GRM7: variants seen among roughly 807,000 people sequenced by gnomAD.
GRM7 encodes the protein glutamate metabotropic receptor 7, also known as metabotropic glutamate receptor 7.
GRM7 carries 35 observed loss-of-function variants against 84.5 expected under a neutral mutation model. The observed-to-expected ratio is 0.41, with a 90% CI of 0.32 to 0.55. The LOEUF (loss-of-function observed/expected upper bound fraction) is 0.55. Among genes scored for constraint, GRM7 ranks in the 20% least tolerant of loss-of-function variants. GRM7 has a pLI of 0.19. For synonymous variants in GRM7, 487 were observed against 455.1 expected (o/e 1.07, Z -0.89); for missense variants, 1,003 against 1,194.6 (o/e 0.84, Z 2.36).
In GRM7 at chr3:7,584,411, C is replaced by G. The variant is rs548417464; in HGVS notation, c.2451+5054C>G. Among the ~76,000 whole-genome samples, 4 of 152,142 alleles carry G rather than the reference C, an allele frequency of 2.6e-5. No homozygotes were observed. In the South Asian group the frequency reaches 8.3e-4, roughly 31 times the overall value. On this transcript the variant is annotated intron_variant, in intron 8 of 9. Transcript: ENST00000357716. Reference sequence around the variant, plus strand: ...ATGTGCCTGTTGAATTCTGCATGGTCTTTCCTTTAATGCAATGCCACCACC... The same window carrying G: ...ATGTGCCTGTTGAATTCTGCATGGTGTTTCCTTTAATGCAATGCCACCACC...
At chr3:7,544,899 G>T (rs900086808) in intron 7 of GRM7, among the ~76,000 whole-genome samples, 3 of 152,064 alleles carry the variant, frequency 2.0e-5, no homozygotes, top group Non-Finnish European at 4.4e-5. Flanking sequence ...AAAAATTTTC[G>T]AACCTCTAAA....
chr3:6,889,191 A>T (rs1027311320), intron 1 of GRM7, among the ~76,000 whole-genome samples: 3 of 152,048 alleles, frequency 2.0e-5, no homozygotes, highest in Non-Finnish European at 4.4e-5. Context: ...GGACAATTTG[A>T]CTTCCTCTTT....
intron 2 of GRM7, among the ~76,000 whole-genome samples, chr3:7,187,169 G>A (rs1173953904): frequency 6.6e-6 from 1 of 151,368 alleles, no homozygotes; most frequent in Non-Finnish European, 1.5e-5. Flanking sequence ...ATGCTTTTCT[G>A]AAATATGCCC....
chr3:7,650,266 T>C (rs1305137977), intron 8 of GRM7, among the ~76,000 whole-genome samples: 1 of 152,200 alleles, frequency 6.6e-6, no homozygotes, highest in African/African-American at 2.4e-5. Flanking sequence ...CTCTGCCCCT[T>C]CCCAGCTTTA....
At chr3:7,295,022 T>A (rs1699766215) in intron 2 of GRM7, among the ~76,000 whole-genome samples, 1 of 152,232 alleles carries the variant, frequency 6.6e-6, no homozygotes, top group Non-Finnish European at 1.5e-5. Flanking sequence ...TAAAATCCAA[T>A]TTATCACGTT....
At chr3:7,616,757 T>C (rs1035905966) in intron 8 of GRM7, among the ~76,000 whole-genome samples, 2 of 152,140 alleles carry the variant, frequency 1.3e-5, no homozygotes, top group African/African-American at 4.8e-5. Context: ...AATTACAAAC[T>C]AATGAAAAGA....
intron 2 of GRM7, among the ~76,000 whole-genome samples, chr3:7,207,098 T>C (rs1239189785): frequency 1.3e-5 from 2 of 152,196 alleles, no homozygotes; most frequent in East Asian, 3.9e-4. Flanking sequence ...AGGAAAACAA[T>C]GTTCGCTGGG....
intron 1 of GRM7, among the ~76,000 whole-genome samples, chr3:6,883,341 ATG>A (rs1695581717): frequency 1.3e-5 from 2 of 151,942 alleles, no homozygotes; most frequent in South Asian, 4.1e-4. Flanking sequence ...TTATAATCTC[ATG>A]TTTATAGAAA....
rs118051709 is a variant in GRM7 at position 7,646,989 on chromosome 3, G to A, written c.2452-33060G>A. 6.6e-5 allele frequency among the ~76,000 whole-genome samples: 10 copies of A among 152,280 alleles called. No individual in the cohort carries two copies. The East Asian group carries it at 1.4e-3, about 21-fold the overall frequency. ...CACTTGTAGAGGTGAACTGGGTCAA[G>A]GGCCAAAGTTCAATCCATTTGTATC... On this transcript the variant is annotated intron_variant, in intron 8 of 9. Transcript: ENST00000357716.
intron 2 of GRM7, among the ~76,000 whole-genome samples, chr3:7,267,911 G>T (rs1698705872): frequency 1.3e-5 from 2 of 151,560 alleles, no homozygotes; most frequent in African/African-American, 2.4e-5. Context: ...TTTTTCAGGA[G>T]CCCAGAAATC....
chr3:7,680,368 C>A, intron 9 of GRM7, 73 bp downstream of exon 9: 1 of 1,488,386 alleles, frequency 6.7e-7, no homozygotes, highest in Non-Finnish European at 9.3e-7. Flanking sequence ...GGTGTGCTTG[C>A]CTCTCTGGAG....
chr3:7,315,391 T>C (rs1700546495), intron 4 of GRM7, among the ~76,000 whole-genome samples: 1 of 152,206 alleles, frequency 6.6e-6, no homozygotes, highest in Admixed American at 6.5e-5. Flanking sequence ...TCCAGCTTTT[T>C]CTCCTAGGCT....
At chr3:7,662,893 A>C (rs899325298) in intron 8 of GRM7, among the ~76,000 whole-genome samples, 4 of 152,212 alleles carry the variant, frequency 2.6e-5, no homozygotes, top group Non-Finnish European at 5.9e-5. Flanking sequence ...GGGATGTTTC[A>C]ATTCATAGTC....
chr3:7,350,223 T>C (rs1244029690), intron 4 of GRM7, among the ~76,000 whole-genome samples: 1 of 152,104 alleles, frequency 6.6e-6, no homozygotes, highest in Non-Finnish European at 1.5e-5. Context: ...GAAAAAGTTT[T>C]TGAGCTTGTT....
At chr3:7,089,549 T>G (rs755002765) in intron 1 of GRM7, among the ~76,000 whole-genome samples, 12 of 152,258 alleles carry the variant, frequency 7.9e-5, no homozygotes. Flanking sequence ...GGAACATGCA[T>G]AGGAAAATTA....
intron 9 of GRM7, among the ~76,000 whole-genome samples, chr3:7,713,272 G>C (rs56078745): frequency 6.6e-6 from 1 of 151,666 alleles, no homozygotes; most frequent in Non-Finnish European, 1.5e-5. Context: ...GAGTAGCTGA[G>C]ATTACAGGCA....
intron 1 of GRM7, among the ~76,000 whole-genome samples, chr3:6,996,898 A>C (rs1694846133): frequency 6.6e-6 from 1 of 152,204 alleles, no homozygotes; most frequent in Non-Finnish European, 1.5e-5. Context: ...CAAGCACAGA[A>C]CAAAGTCTGG....
Position 7,256,210 on chromosome 3 carries a change from C to T in GRM7, c.737-42474C>T, listed in dbSNP as rs1258652907. Among the ~76,000 whole-genome samples, 5 of 152,270 alleles carry T rather than the reference C, an allele frequency of 3.3e-5. No individual in the cohort carries two copies. In the South Asian group the frequency reaches 1.0e-3, roughly 32 times the overall value. Reference sequence around the variant, plus strand: ...CTTCTCAACTATCACATAACACTTACTACCCTAGGAAATTCTCTATTTTAT... The same window carrying T: ...CTTCTCAACTATCACATAACACTTATTACCCTAGGAAATTCTCTATTTTAT... On this transcript the variant is annotated intron_variant, in intron 2 of 9. Transcript: ENST00000357716.
intron 7 of GRM7, among the ~76,000 whole-genome samples, chr3:7,549,748 A>G (rs1661314720): frequency 6.6e-6 from 1 of 152,258 alleles, no homozygotes; most frequent in African/African-American, 2.4e-5. Flanking sequence ...CAGTGAGGCC[A>G]GAAGATTTTG....
Sources: gnomAD v4.1 joint callset for allele counts (sites outside exome capture counted in the v4.1 genomes callset) on GRCh38, gnomAD v4.1.1 for gene constraint, MANE v1.5 for transcripts, NCBI Gene and HGNC (gene_info 2026-07-23, HGNC 2026-07-21) for gene names.